DACT2: variants seen among roughly 807,000 people sequenced by gnomAD.
DACT2 encodes dishevelled binding antagonist of beta catenin 2.
DACT2 carries 20 observed loss-of-function variants against 22.2 expected under a neutral mutation model. The observed-to-expected ratio is 0.90, with a 90% CI of 0.63 to 1.31. The LOEUF is 1.31. Ranked by LOEUF, DACT2 falls within the 50% of genes most tolerant of loss-of-function variation. The probability of loss-of-function intolerance (pLI) is 0.00; values close to 1 mark genes in which losing one functional copy is unlikely to be tolerated. For missense variants in DACT2, 1,048 were observed against 1,061.4 expected (o/e 0.99, Z 0.18); for synonymous variants, 463 against 479.8 (o/e 0.96, Z 0.46).
downstream of DACT2, among the ~76,000 whole-genome samples, chr6:168,305,642 C>A (rs1241212286): frequency 1.3e-5 from 2 of 152,172 alleles, no homozygotes; most frequent in Non-Finnish European, 2.9e-5. Context: ...TGAGGCTGCG[C>A]CCACAGTCCT....
Position 168,319,434 on chromosome 6 carries a change from G to A in DACT2, c.200C>T (p.Pro67Leu). 8.3e-7 allele frequency: 1 copy of A among 1,206,112 alleles called. No individual in the cohort carries two copies. Among genetic ancestry groups the A allele is most frequent in the Non-Finnish European group, 1.0e-6 (1 of 972,148 alleles). 74.7% of individuals were successfully genotyped at this position (1,206,112 alleles called of 1,614,324 possible). A position where few individuals can be genotyped will look rare whatever the true frequency, so the allele number is the denominator to read the frequency against. Residue 67 changes from proline to leucine, a missense_variant, in exon 1 of 4, where the codon CCC (proline) becomes CTC (leucine). Transcript: ENST00000366795. Reference protein sequence around the residue: ...APCGPHGLHGPEQQLEAALAA... With the variant: ...APCGPHGLHGLEQQLEAALAA... ...CAGCGCCGCCTCCAGCTGCTGCTCGGGGCCGTGGAGGCCGTGGGGGCCGCA... is the reference window on the plus strand; with the variant it reads ...CAGCGCCGCCTCCAGCTGCTGCTCGAGGCCGTGGAGGCCGTGGGGGCCGCA...
At chr6:168,312,836 G>C (rs1779454207) in intron 1 of DACT2, among the ~76,000 whole-genome samples, 1 of 152,202 alleles carries the variant, frequency 6.6e-6, no homozygotes, top group South Asian at 2.1e-4. Flanking sequence ...CATTACAAGA[G>C]AGAGGCAGGT....
chr6:168,309,050 C>T lies in DACT2; in HGVS notation c.707G>A (p.Ser236Asn), dbSNP rs1436226965. ...LPADTGLQKA[S>N]ADAELLGLLC... Reference sequence around the variant, plus strand: ...GAGCCCGAGGAGCTCGGCGTCCGCGCTGGCTTTCTGGAGCCCCGTGTCCGC... The same window carrying T: ...GAGCCCGAGGAGCTCGGCGTCCGCGTTGGCTTTCTGGAGCCCCGTGTCCGC... Residue 236 changes from serine (S) to asparagine (N), a missense_variant, in exon 4 of 4, where the codon AGC becomes AAC. Transcript: ENST00000366795. 1.9e-6 allele frequency: 3 copies of T among 1,540,970 alleles called. No homozygotes were observed. The highest frequency in any genetic ancestry group is 2.0e-5 in the Admixed American group (1 of 50,880).
chr6:168,311,054 ATGG>A, intron 2 of DACT2, 95 bp downstream of exon 2: 1 of 1,382,092 alleles, frequency 7.2e-7, no homozygotes. Context: ...GATACCTGGA[ATGG>A]AATTTCAGCC....
chr6:168,313,949 G>A (rs1036115093), intron 1 of DACT2, among the ~76,000 whole-genome samples: 2 of 152,126 alleles, frequency 1.3e-5, no homozygotes, highest in African/African-American at 4.8e-5. Context: ...TACGTCCTCA[G>A]GTCCCGTCTA....
intron 1 of DACT2, among the ~76,000 whole-genome samples, chr6:168,311,561 C>CCCAT (rs1491458344): frequency 8.0e-4 from 64 of 79,698 alleles, no homozygotes; most frequent in Admixed American, 1.7e-3. Context: ...TACACACACT[C>CCCAT]ACACACAAAC....
intron 1 of DACT2, among the ~76,000 whole-genome samples, chr6:168,313,527 C>G (rs1779473559): frequency 6.6e-6 from 1 of 152,218 alleles, no homozygotes; most frequent in Admixed American, 6.5e-5. Flanking sequence ...CTGAGCAGCA[C>G]ACACAGGCGG....
Position 168,311,106 on chromosome 6 carries a change from G to T in DACT2, c.379+46C>A, listed in dbSNP as rs560807409. On this transcript the variant is annotated intron_variant, in intron 2 of 3. Transcript: ENST00000366795. Reference sequence around the variant, plus strand: ...CGGGATAGGCTTCACCTCTGCCTGTGCTGCGTGCCTGCCCCTGTGTCCGGG... The same window carrying T: ...CGGGATAGGCTTCACCTCTGCCTGTTCTGCGTGCCTGCCCCTGTGTCCGGG... The T allele has an allele frequency of 2.0e-6, 3 of 1,485,444 alleles. No homozygotes were observed. In the African/African-American group the frequency reaches 4.2e-5, roughly 21 times the overall value. 92.0% of individuals were successfully genotyped at this position (1,485,444 alleles called of 1,614,324 possible).
At chr6:168,294,166 G>T in exon 5 of DACT2, 2 of 702,950 alleles carry the variant, frequency 2.8e-6, no homozygotes, top group South Asian at 1.5e-5. Flanking sequence ...AGCCACAGAG[G>T]CCACACTTTC....
At chr6:168,297,254 T>C (rs1779024019) in intron 3 of DACT2, among the ~76,000 whole-genome samples, 1 of 152,214 alleles carries the variant, frequency 6.6e-6, no homozygotes, top group East Asian at 1.9e-4. Context: ...CTTGTGAATA[T>C]GTCAGTTGAT....
In DACT2 at chr6:168,308,804, T is replaced by G; in HGVS notation, c.953A>C (p.Gln318Pro). Residue 318 changes from glutamine to proline, a missense_variant, in exon 4 of 4, where the codon CAG (glutamine) becomes CCG (proline). Coordinates refer to ENST00000366795, the MANE Select transcript of DACT2 (RefSeq NM_214462.5). Reference sequence around the variant, plus strand: ...GCCAGCCTCGAGGACCGGCCCAGTCTGGATGGTGTTCAGACCTGCGGGGCC... The same window carrying G: ...GCCAGCCTCGAGGACCGGCCCAGTCGGGATGGTGTTCAGACCTGCGGGGCC... Reference protein sequence around the residue: ...PRGPAGLNTIQTGPVLEAGPA... With the variant: ...PRGPAGLNTIPTGPVLEAGPA... 1 of 1,551,434 alleles carries G rather than the reference T, an allele frequency of 6.4e-7. No homozygotes were observed. The highest frequency in any genetic ancestry group is 8.7e-7 in the Non-Finnish European group (1 of 1,146,986).
chr6:168,305,216 T>C (rs1779180474), downstream of DACT2, among the ~76,000 whole-genome samples: 2 of 152,192 alleles, frequency 1.3e-5, no homozygotes, highest in African/African-American at 4.8e-5. Context: ...GGCTGCATTT[T>C]GTCTGGAGTC....
intron 1 of DACT2, among the ~76,000 whole-genome samples, 161 bp downstream of exon 1, chr6:168,319,227 T>TC (rs1408166747): frequency 6.6e-6 from 1 of 151,764 alleles, no homozygotes; most frequent in Non-Finnish European, 1.5e-5. Context: ...GGCCTCCATG[T>TC]CCCCCTCCTT....
At position 168,307,242 on chromosome 6, in the gene DACT2, T is replaced by G; in HGVS notation, c.*190A>C. On this transcript the variant is annotated 3_prime_UTR_variant, in exon 4 of 4. Coordinates refer to ENST00000366795, the MANE Select transcript of DACT2 (RefSeq NM_214462.5). The surrounding 1 kb of genome is among the most constrained non-coding windows in gnomAD (Gnocchi z 5.3). ...CTGAAACCAGAGCTCCGCATGGAAG[T>G]CTTTGCTGGGGCGGGGACTCACGGC... The G allele has an allele frequency of 7.1e-7, 1 of 1,414,448 alleles. No homozygotes were observed. Among genetic ancestry groups the G allele is most frequent in the Non-Finnish European group, 9.2e-7 (1 of 1,089,806 alleles). 87.6% of individuals were successfully genotyped at this position (1,414,448 alleles called of 1,614,324 possible).
At chr6:168,306,289 G>T (rs942395462), downstream of DACT2, among the ~76,000 whole-genome samples, 1 of 152,172 alleles carries the variant, frequency 6.6e-6, no homozygotes, top group African/African-American at 2.4e-5. Context: ...GGAGAAAGCT[G>T]CTTTCTGAAT....
In DACT2 at chr6:168,308,841, C is replaced by T. The variant is rs1368149255; in HGVS notation, c.916G>A (p.Glu306Lys). The part of the protein sequence containing the change: ...PQRGGPSFPR[E>K]SPRGPAGLNT... ...AGACCTGCGGGGCCCCTGGGGCTCT[C>T]CCTAGGGAACGAGGGGCCACCTCTC... The change falls in exon 4 of 4, where the codon GAG becomes AAG. Residue 306 changes from glutamate to lysine, a missense_variant. Transcript: ENST00000366795. 2 of 1,551,168 alleles carry T rather than the reference C, an allele frequency of 1.3e-6. No individual in the cohort carries two copies. The highest frequency in any genetic ancestry group is 1.4e-5 in the African/African-American group (1 of 73,172).
At chr6:168,297,903 G>C (rs746156957) in intron 3 of DACT2, among the ~76,000 whole-genome samples, 1 of 152,232 alleles carries the variant, frequency 6.6e-6, no homozygotes, top group African/African-American at 2.4e-5. Flanking sequence ...GGCGCAGCCC[G>C]GGTGGGTCCG....
Position 168,310,230 on chromosome 6 carries a change from G to A in DACT2, c.596C>T (p.Pro199Leu). ...PQATEEGARPPGSVEDAGQPW... is the reference protein window; with the variant it reads ...PQATEEGARPLGSVEDAGQPW... ...CTGGCCTGCATCCTCCACGCTCCCT[G>A]GGGGCCTGGCGCCCTCCTCGGTAGC... Residue 199 changes from proline to leucine, a missense_variant, in exon 3 of 4, where the codon CCA becomes CTA. Transcript: ENST00000366795. 1 of 1,551,086 alleles carries A rather than the reference G, an allele frequency of 6.4e-7. No individual in the cohort carries two copies. Among genetic ancestry groups the A allele is most frequent in the Non-Finnish European group, 8.7e-7 (1 of 1,146,982 alleles).
intron 3 of DACT2, chr6:168,298,591 G>A (rs1488083865): frequency 1.3e-5 from 2 of 152,206 alleles, no homozygotes; most frequent in African/African-American, 4.8e-5. Context: ...TGGGAGGTTA[G>A]CATCTTCCCT....
Sources: allele counts gnomAD v4.1 joint callset (sites outside exome capture counted in the v4.1 genomes callset), GRCh38; gene constraint gnomAD v4.1.1; non-coding constraint Gnocchi (gnomAD v3.1); transcripts MANE v1.5; gene names NCBI Gene and HGNC (gene_info 2026-07-23, HGNC 2026-07-21).